SLCO3A1: variants seen among roughly 807,000 people sequenced by gnomAD.
SLCO3A1 encodes solute carrier organic anion transporter family member 3A1.
A neutral mutation model predicts 63.1 loss-of-function variants in SLCO3A1; 27 were observed. That is an observed-to-expected ratio of 0.43 (90% CI 0.32 to 0.59). The LOEUF is 0.59. SLCO3A1 is among the 20% of genes least tolerant of loss of function. SLCO3A1 has a pLI of 0.09. For missense variants in SLCO3A1, 773 were observed against 945.8 expected (o/e 0.82, Z 2.40); for synonymous variants, 473 against 409.9 (o/e 1.15, Z -1.86).
intron 7 of SLCO3A1, among the ~76,000 whole-genome samples, chr15:92,130,082 T>C (rs2047974062): frequency 6.6e-6 from 1 of 152,258 alleles, no homozygotes; most frequent in African/African-American, 2.4e-5. Flanking sequence ...TGTCCTGTTA[T>C]AAGAATTAAA....
At chr15:92,075,799 G>A (rs372135732) in intron 2 of SLCO3A1, among the ~76,000 whole-genome samples, 10 of 152,312 alleles carry the variant, frequency 6.6e-5, no homozygotes, top group African/African-American at 1.7e-4. Flanking sequence ...TCTGCTCCAC[G>A]GCTTTGAGAT....
chr15:92,020,269 T>TATCC (rs992430801), intron 2 of SLCO3A1, among the ~76,000 whole-genome samples: 107 of 152,244 alleles, frequency 7.0e-4, no homozygotes, highest in African/African-American at 2.2e-3. Flanking sequence ...ATCTGTACTC[T>TATCC]ATCCATCCAT....
At chr15:91,978,656 GTTTA>G (rs1901213343) in intron 2 of SLCO3A1, among the ~76,000 whole-genome samples, 2 of 152,182 alleles carry the variant, frequency 1.3e-5, no homozygotes, top group South Asian at 2.1e-4. Context: ...TCCCATTGGA[GTTTA>G]TTTATTAACC....
intron 4 of SLCO3A1, among the ~76,000 whole-genome samples, chr15:92,107,404 C>CA: frequency 6.6e-6 from 1 of 152,214 alleles, no homozygotes; most frequent in Admixed American, 6.5e-5. Context: ...CCATGCGAGA[C>CA]ACATGTTTTT....
At chr15:91,921,557 A>T (rs1378300987) in intron 2 of SLCO3A1, among the ~76,000 whole-genome samples, 1 of 151,736 alleles carries the variant, frequency 6.6e-6, no homozygotes, top group Non-Finnish European at 1.5e-5. Context: ...TTTTTTTTTT[A>T]AATAACTTTT....
intron 4 of SLCO3A1, among the ~76,000 whole-genome samples, chr15:92,113,915 G>T (rs542337075): frequency 1.4e-4 from 21 of 152,216 alleles, no homozygotes; most frequent in African/African-American, 4.6e-4. Context: ...TTCTTGAACC[G>T]CCCTGTTTGT....
chr15:91,991,577 T>C (rs147848874), intron 2 of SLCO3A1, among the ~76,000 whole-genome samples: 16 of 152,352 alleles, frequency 1.1e-4, no homozygotes, highest in East Asian at 3.9e-4. Flanking sequence ...CTAGTAGCCA[T>C]GTTTCAAAAG....
At chr15:91,957,871 G>C (rs554018328) in intron 2 of SLCO3A1, among the ~76,000 whole-genome samples, 1 of 152,292 alleles carries the variant, frequency 6.6e-6, no homozygotes, top group South Asian at 2.1e-4. Context: ...ATTCAGTTCA[G>C]TGCTATATTC....
Position 92,126,333 on chromosome 15 carries a change from G to A in SLCO3A1, c.1373+74G>A, listed in dbSNP as rs578148079. ...GCAATCTCCCTCTGCAGTAGGTTGA[G>A]GGAACCAGCTTTGTTCCTAGTGACC... is the stretch of plus-strand genomic sequence containing the variant. On this transcript the variant is annotated intron_variant, in intron 6 of 9. Transcript: ENST00000318445. 8 of 1,309,022 alleles carry A rather than the reference G, an allele frequency of 6.1e-6. No individual in the cohort carries two copies. In the African/African-American group the frequency reaches 1.0e-4, roughly 17 times the overall value. The allele number at this position is 1,309,022 out of a possible 1,614,324, so 81.1% of individuals were successfully genotyped here.
At chr15:92,034,414 AG>A (rs2046697531) in intron 2 of SLCO3A1, among the ~76,000 whole-genome samples, 1 of 151,300 alleles carries the variant, frequency 6.6e-6, no homozygotes, top group African/African-American at 2.4e-5. Context: ...GGAGACGATG[AG>A]TGTGCCTGGA....
At chr15:92,055,475 C>G (rs893572396) in intron 2 of SLCO3A1, among the ~76,000 whole-genome samples, 10 of 152,110 alleles carry the variant, frequency 6.6e-5, no homozygotes, top group African/African-American at 2.4e-4. Context: ...TCAGTTTTTG[C>G]AAAGCCCCCT....
intron 7 of SLCO3A1, among the ~76,000 whole-genome samples, chr15:92,146,121 C>T (rs1051405930): frequency 6.6e-6 from 1 of 152,174 alleles, no homozygotes; most frequent in African/African-American, 2.4e-5. Flanking sequence ...TGATTGTTTT[C>T]ACTTTGTATT....
intron 2 of SLCO3A1, among the ~76,000 whole-genome samples, chr15:91,930,467 A>G (rs1480688929): frequency 6.6e-6 from 1 of 152,332 alleles, no homozygotes; most frequent in Non-Finnish European, 1.5e-5. Context: ...TTACATGCCC[A>G]ATGAGTAATA....
chr15:91,857,088 ATGTG>A (rs1421917170), intron 1 of SLCO3A1, among the ~76,000 whole-genome samples: 4 of 136,826 alleles, frequency 2.9e-5, no homozygotes, highest in Non-Finnish European at 6.6e-5. Context: ...GAGAGAGAAA[ATGTG>A]TGTGTGTGTC....
chr15:92,147,091 C>T lies in SLCO3A1; in HGVS notation c.1620C>T (p.Leu540=). 1.2e-6 allele frequency: 2 copies of T among 1,612,170 alleles called. No individual in the cohort carries two copies. Among genetic ancestry groups the T allele is most frequent in the South Asian group, 2.2e-5 (2 of 91,070 alleles). The change falls in exon 8 of 10, where the codon CTC becomes CTT. Residue 540 remains leucine (L), a synonymous_variant. Transcript: ENST00000318445. The part of the protein sequence containing the change: ...PGCQEAFLTF[L]CVMCICSLIG... ...GCCAAGAGGCCTTCCTCACTTTCCT[C>T]TGTGTGATGTGTATCTGCAGCCTGA...
At position 92,019,341 on chromosome 15, in the gene SLCO3A1, T is replaced by C. The variant is rs566943062; in HGVS notation, c.647-75540T>C. Among the ~76,000 whole-genome samples the C allele has an allele frequency of 3.3e-4, 50 of 152,290 alleles. No homozygotes were observed. The South Asian group carries it at 8.5e-3, about 26-fold the overall frequency. On this transcript the variant is annotated intron_variant, in intron 2 of 9. Transcript: ENST00000318445. ...TGACTTGGGGTAGTGAGAGCACTGA[T>C]TTCATGAAAGTCATAGGGAAATCAA...
intron 2 of SLCO3A1, among the ~76,000 whole-genome samples, chr15:91,944,354 A>G (rs1333862137): frequency 6.6e-6 from 1 of 152,140 alleles, no homozygotes; most frequent in Non-Finnish European, 1.5e-5. Context: ...GGCAAGACAG[A>G]CATGGCCAAG....
intron 2 of SLCO3A1, among the ~76,000 whole-genome samples, chr15:92,093,359 C>T (rs1057385151): frequency 6.6e-6 from 1 of 152,162 alleles, no homozygotes; most frequent in African/African-American, 2.4e-5. Context: ...TTCCTTTAAA[C>T]AATCAGATCT....
intron 2 of SLCO3A1, among the ~76,000 whole-genome samples, chr15:91,951,553 CTTTTCTTTTTTT>C (rs1447759255): frequency 4.8e-5 from 7 of 145,894 alleles, no homozygotes; most frequent in Admixed American, 2.0e-4. Context: ...TTTCTTTTTT[CTTTTCTTTTTTT>C]TTTTTTTTGA....
Sources: allele counts gnomAD v4.1 joint callset (sites outside exome capture counted in the v4.1 genomes callset), GRCh38; gene constraint gnomAD v4.1.1; transcripts MANE v1.5; gene names NCBI Gene and HGNC (gene_info 2026-07-23, HGNC 2026-07-21).